The following GLI3 variants were observed in gnomAD, a reference collection of about 807,000 sequenced individuals.
The protein encoded by GLI3 is transcription activator GLI3.
GLI3 carries 20 observed loss-of-function variants against 100.8 expected under a neutral mutation model. The ratio of observed to expected loss-of-function variants is 0.20; its 90% CI spans 0.14 to 0.29. The LOEUF is 0.29. Ranked by LOEUF, GLI3 falls within the 10% of genes least tolerant of loss-of-function variation. The probability of loss-of-function intolerance (pLI) is 1.00; values close to 1 mark genes in which losing one functional copy is unlikely to be tolerated. For missense variants in GLI3, 2,040 were observed against 2,128.5 expected, an observed-to-expected ratio of 0.96 and a Z score of 0.82; for synonymous variants, 938 against 860.5, an observed-to-expected ratio of 1.09 and a Z score of -1.58.
chr7:42,184,372 T>C (rs1432757801), intron 2 of GLI3, among the ~76,000 whole-genome samples: 1 of 152,188 alleles, frequency 6.6e-6, no homozygotes, highest in Non-Finnish European at 1.5e-5. Flanking sequence ...TCAGGGTCCC[T>C]CAATCACCAG....
intron 2 of GLI3, among the ~76,000 whole-genome samples, chr7:42,195,306 T>G (rs1310792033): frequency 6.6e-6 from 1 of 152,246 alleles, no homozygotes; most frequent in Non-Finnish European, 1.5e-5. Context: ...TAGGCATTCA[T>G]AAGCTAGACT....
intron 4 of GLI3, among the ~76,000 whole-genome samples, chr7:42,053,279 G>A (rs965891595): frequency 1.3e-5 from 2 of 152,220 alleles, no homozygotes; most frequent in African/African-American, 4.8e-5. Flanking sequence ...TTACAGGCGT[G>A]AGCCATGGCT....
At chr7:42,258,199 T>C (rs1239278979) in intron 1 of GLI3, among the ~76,000 whole-genome samples, 1 of 152,224 alleles carries the variant, frequency 6.6e-6, no homozygotes, top group Admixed American at 6.5e-5. Context: ...TTATACATAC[T>C]GAATTCATAA....
At chr7:41,988,315 T>A (rs1027868275) in intron 10 of GLI3, among the ~76,000 whole-genome samples, 6 of 152,040 alleles carry the variant, frequency 3.9e-5, no homozygotes, top group African/African-American at 1.4e-4. Flanking sequence ...TGCAAAAAAT[T>A]AGCTGGACAT....
At chr7:41,985,015 T>C (rs1285471349) in intron 10 of GLI3, among the ~76,000 whole-genome samples, 1 of 152,234 alleles carries the variant, frequency 6.6e-6, no homozygotes, top group Non-Finnish European at 1.5e-5. Context: ...GTGTGTTCCA[T>C]ATATAAACAT....
chr7:42,031,207 T>C (rs2128734597), intron 7 of GLI3, among the ~76,000 whole-genome samples: 1 of 152,374 alleles, frequency 6.6e-6, no homozygotes, highest in East Asian at 1.9e-4. Flanking sequence ...ACAATTAATC[T>C]GTTATTATTT....
intron 1 of GLI3, among the ~76,000 whole-genome samples, chr7:42,255,341 T>TGAAATGGA (rs1789074929): frequency 3.9e-5 from 6 of 152,212 alleles, no homozygotes; most frequent in Non-Finnish European, 8.8e-5. Context: ...ATAATTTGCA[T>TGAAATGGA]TCCATGAAAT....
At chr7:42,111,741 T>C (rs1534316) in intron 3 of GLI3, among the ~76,000 whole-genome samples, 139,909 of 152,222 alleles carry the variant, frequency 0.92, 64,925 homozygotes, top group East Asian at 1. Context: ...CCTAGCTCTG[T>C]TCTTTCCTCA....
intron 3 of GLI3, among the ~76,000 whole-genome samples, chr7:42,111,573 T>G (rs55975339): frequency 0.11 from 16,067 of 152,198 alleles, 918 homozygotes; most frequent in African/African-American, 0.16. Context: ...AGAAACTGTG[T>G]CATTTTCTAT....
chr7:42,031,641 T>G (rs1316432523), intron 7 of GLI3, among the ~76,000 whole-genome samples: 1 of 152,218 alleles, frequency 6.6e-6, no homozygotes, highest in African/African-American at 2.4e-5. Context: ...ATTTAAAAGT[T>G]AATTTGCCCT....
chr7:42,017,122 A>G (rs566883256), intron 10 of GLI3, among the ~76,000 whole-genome samples: 2 of 152,340 alleles, frequency 1.3e-5, no homozygotes, highest in East Asian at 3.9e-4. Flanking sequence ...CCTAATAAAC[A>G]GGAGAATACA....
intron 10 of GLI3, among the ~76,000 whole-genome samples, chr7:41,990,076 T>C (rs1243974380): frequency 5.3e-5 from 8 of 151,302 alleles, no homozygotes; most frequent in Non-Finnish European, 1.2e-4. Flanking sequence ...ATAATATTTA[T>C]AATAGTACAT....
intron 10 of GLI3, among the ~76,000 whole-genome samples, chr7:42,005,063 G>A (rs1242855191): frequency 6.6e-6 from 1 of 152,122 alleles, no homozygotes; most frequent in Non-Finnish European, 1.5e-5. Context: ...TACATATGAT[G>A]AAAGCAAGAC....
At chr7:42,172,437 T>C (rs867652264) in intron 2 of GLI3, 2 of 629,138 alleles carry the variant, frequency 3.2e-6, no homozygotes, top group Non-Finnish European at 5.8e-6. Context: ...AATTAGATAG[T>C]AAGATGAAAA....
intron 1 of GLI3, among the ~76,000 whole-genome samples, chr7:42,262,190 TA>T (rs1482890509): frequency 5.1e-4 from 76 of 150,322 alleles, no homozygotes; most frequent in Middle Eastern, 3.5e-3. Flanking sequence ...TTCTTTCTTT[TA>T]TTTTTTTTCC....
At chr7:42,138,217 A>G (rs992079479) in intron 3 of GLI3, among the ~76,000 whole-genome samples, 3 of 152,112 alleles carry the variant, frequency 2.0e-5, no homozygotes, top group African/African-American at 7.2e-5. Flanking sequence ...ATGGAGTGAG[A>G]CTCGAGGCAG....
chr7:42,191,767 T>C (rs1397228356), intron 2 of GLI3, among the ~76,000 whole-genome samples: 1 of 152,082 alleles, frequency 6.6e-6, no homozygotes, highest in African/African-American at 2.4e-5. Context: ...ATGAAGTAGA[T>C]ACCATTACTG....
chr7:42,098,997 G>A (rs1183562510), intron 3 of GLI3, among the ~76,000 whole-genome samples: 2 of 152,106 alleles, frequency 1.3e-5, no homozygotes, highest in Non-Finnish European at 2.9e-5. Context: ...ATTCATCCAG[G>A]GATACATCTG....
intron 10 of GLI3, among the ~76,000 whole-genome samples, chr7:41,993,306 T>C (rs1175149563): frequency 1.3e-5 from 2 of 152,162 alleles, no homozygotes; most frequent in Non-Finnish European, 2.9e-5. Context: ...AGACGTGTGG[T>C]CACGTCTAGG....
Sources: gnomAD v4.1 joint callset for allele counts (sites outside exome capture counted in the v4.1 genomes callset) on GRCh38, gnomAD v4.1.1 for gene constraint, MANE v1.5 for transcripts, NCBI Gene and HGNC (gene_info 2026-07-23, HGNC 2026-07-21) for gene names.